Variants in EBF1 observed in about 807,000 individuals in gnomAD.
The protein encoded by EBF1 is transcription factor COE1.
In EBF1, 10 loss-of-function variants were observed where a neutral mutation model predicts 68.4. That is an observed-to-expected ratio of 0.15 (90% CI 0.09 to 0.25). The LOEUF (loss-of-function observed/expected upper bound fraction) is 0.25, where lower values mean the gene tolerates loss of function less well. EBF1 is among the 10% of genes least tolerant of loss of function. The pLI, the probability that EBF1 is intolerant of heterozygous loss-of-function variation, is 1.00. For missense variants in EBF1, 509 were observed against 794.4 expected (o/e 0.64, Z 4.32); for synonymous variants, 298 against 299.8 (o/e 0.99, Z 0.06).
intron 6 of EBF1, among the ~76,000 whole-genome samples, chr5:158,895,462 A>G (rs1260335571): frequency 6.6e-6 from 1 of 152,234 alleles, no homozygotes; most frequent in Non-Finnish European, 1.5e-5. Flanking sequence ...CAGAGTACTT[A>G]CTATACGTCC....
chr5:159,089,292 T>C (rs1182860100), intron 4 of EBF1, among the ~76,000 whole-genome samples: 6 of 152,166 alleles, frequency 3.9e-5, no homozygotes, highest in Admixed American at 3.9e-4. Context: ...CTGTTATGAA[T>C]AAAATATCAT....
At chr5:158,814,136 G>A (rs1023963139) in intron 8 of EBF1, among the ~76,000 whole-genome samples, 1 of 152,120 alleles carries the variant, frequency 6.6e-6, no homozygotes, top group East Asian at 1.9e-4. Flanking sequence ...GCTTAAGCCC[G>A]GGCATTGAAG....
chr5:158,994,680 T>G (rs1288873118), intron 6 of EBF1, among the ~76,000 whole-genome samples: 2 of 152,232 alleles, frequency 1.3e-5, no homozygotes, highest in African/African-American at 2.4e-5. Flanking sequence ...ATTTTACATT[T>G]TATCATTGGA....
chr5:158,834,169 G>C (rs569984571), intron 7 of EBF1, among the ~76,000 whole-genome samples: 1 of 152,156 alleles, frequency 6.6e-6, no homozygotes, highest in Admixed American at 6.5e-5. Context: ...CATTCTGCCA[G>C]TCCCCAAAAG....
intron 4 of EBF1, among the ~76,000 whole-genome samples, chr5:159,095,045 GGCAAAAGCAGGAGGGTTTTT>G (rs1017262541): frequency 5.9e-5 from 9 of 152,290 alleles, no homozygotes; most frequent in Admixed American, 3.9e-4. Flanking sequence ...CAAACTTGGA[GGCAAAAGCAGGAGGGTTTTT>G]GCAAAATATC....
intron 5 of EBF1, among the ~76,000 whole-genome samples, chr5:159,075,345 C>T (rs1414638527): frequency 1.3e-5 from 2 of 152,216 alleles, no homozygotes; most frequent in African/African-American, 2.4e-5. Flanking sequence ...TCTGCAGAAG[C>T]AGCAGGTCTC....
chr5:158,812,362 C>T (rs549338995), intron 8 of EBF1, among the ~76,000 whole-genome samples: 28 of 152,282 alleles, frequency 1.8e-4, no homozygotes, highest in African/African-American at 6.7e-4. Context: ...CAACTGGTGG[C>T]TACGTGGAGT....
chr5:159,026,440 T>G (rs1767727403), intron 6 of EBF1, among the ~76,000 whole-genome samples: 1 of 152,122 alleles, frequency 6.6e-6, no homozygotes, highest in South Asian at 2.1e-4. Flanking sequence ...AGCCAGTCAG[T>G]GCTAACAAAC....
At chr5:159,054,568 A>G (rs184817753) in intron 6 of EBF1, among the ~76,000 whole-genome samples, 378 of 152,348 alleles carry the variant, frequency 2.5e-3, no homozygotes, top group African/African-American at 8.8e-3. Flanking sequence ...TGTCACTCAC[A>G]AGCAAAGGAT....
At chr5:158,963,473 G>C (rs974587388) in intron 6 of EBF1, among the ~76,000 whole-genome samples, 3 of 152,112 alleles carry the variant, frequency 2.0e-5, no homozygotes, top group African/African-American at 7.2e-5. Context: ...CATGACAAAG[G>C]CTTCTCCCTC....
chr5:158,929,877 G>A (rs1364688792), intron 6 of EBF1, among the ~76,000 whole-genome samples: 2 of 152,132 alleles, frequency 1.3e-5, no homozygotes, highest in Admixed American at 6.5e-5. Context: ...CAACCTCTGC[G>A]ATTTATCACT....
intron 6 of EBF1, among the ~76,000 whole-genome samples, chr5:159,010,425 T>C (rs1764413257): frequency 6.6e-6 from 1 of 152,230 alleles, no homozygotes; most frequent in African/African-American, 2.4e-5. Flanking sequence ...CAAAAATTAT[T>C]TATCTTTTTG....
intron 6 of EBF1, among the ~76,000 whole-genome samples, chr5:159,050,879 T>A (rs1298461001): frequency 6.6e-6 from 1 of 152,176 alleles, no homozygotes; most frequent in Admixed American, 6.5e-5. Context: ...AAAGAAAACC[T>A]CAGGTCTGAC....
chr5:158,957,417 T>C (rs1817354743), intron 6 of EBF1, among the ~76,000 whole-genome samples: 1 of 152,234 alleles, frequency 6.6e-6, no homozygotes, highest in South Asian at 2.1e-4. Flanking sequence ...TCTGTTTTGT[T>C]GCAAATTAGG....
chr5:158,809,929 T>C (rs936625159), intron 8 of EBF1, among the ~76,000 whole-genome samples: 6 of 152,172 alleles, frequency 3.9e-5, no homozygotes, highest in African/African-American at 1.2e-4. Flanking sequence ...AAATAGACTA[T>C]TCTAAAATAG....
Position 158,754,992 on chromosome 5 carries a change from G to A in EBF1, c.1036+22421C>T, listed in dbSNP as rs1208665894. On this transcript the variant is annotated intron_variant, in intron 10 of 15. Coordinates refer to ENST00000313708, the MANE Select transcript of EBF1 (RefSeq NM_024007.5). Reference sequence around the variant, plus strand: ...CTCAAATCTCTCATGAGAGGTCGGGGAGATAAGGTATTAAGAGGACAGAGT... The same window carrying A: ...CTCAAATCTCTCATGAGAGGTCGGGAAGATAAGGTATTAAGAGGACAGAGT... Among the ~76,000 whole-genome samples, 3 of 152,098 alleles carry A rather than the reference G, an allele frequency of 2.0e-5. No individual in the cohort carries two copies. The South Asian group carries it at 6.2e-4, about 31-fold the overall frequency.
intron 11 of EBF1, among the ~76,000 whole-genome samples, chr5:158,724,597 T>C (rs1349878025): frequency 6.6e-6 from 1 of 152,236 alleles, no homozygotes; most frequent in Admixed American, 6.5e-5. Context: ...GCCCCAGCTC[T>C]GTATTTATGA....
At chr5:158,952,248 G>A (rs1228807124) in intron 6 of EBF1, among the ~76,000 whole-genome samples, 2 of 152,144 alleles carry the variant, frequency 1.3e-5, no homozygotes, top group Non-Finnish European at 2.9e-5. Context: ...CTAGGGAAAG[G>A]CGATAATTAA....
chr5:158,774,145 G>A (rs1774521481), intron 10 of EBF1, among the ~76,000 whole-genome samples: 1 of 152,086 alleles, frequency 6.6e-6, no homozygotes, highest in Non-Finnish European at 1.5e-5. Context: ...ACTCTGATTG[G>A]ACAAACACAA....
Sources: allele counts gnomAD v4.1 joint callset (sites outside exome capture counted in the v4.1 genomes callset), GRCh38; gene constraint gnomAD v4.1.1; transcripts MANE v1.5; gene names NCBI Gene and HGNC (gene_info 2026-07-23, HGNC 2026-07-21).